TJP2: variants seen among roughly 807,000 people sequenced by gnomAD.
TJP2 encodes tight junction protein 2.
A neutral mutation model predicts 133.1 loss-of-function variants in TJP2; 91 were observed. The ratio of observed to expected loss-of-function variants is 0.68; its 90% confidence interval spans 0.58 to 0.81. The LOEUF (loss-of-function observed/expected upper bound fraction) is 0.81, where lower values mean the gene tolerates loss of function less well. Ranked by LOEUF, TJP2 falls within the 40% of genes least tolerant of loss-of-function variation. TJP2 has a pLI of 0.00. For synonymous variants in TJP2, 592 were observed against 583.4 expected (o/e 1.01, Z -0.21); for missense variants, 1,541 against 1,565.6 (o/e 0.98, Z 0.26).
intron 17 of TJP2, among the ~76,000 whole-genome samples, chr9:69,240,967 A>G (rs1390547076): frequency 6.6e-6 from 1 of 152,190 alleles, no homozygotes; most frequent in Non-Finnish European, 1.5e-5. Context: ...TTGACCTAAT[A>G]TAATGTTGAG....
intron 1 of TJP2, among the ~76,000 whole-genome samples, chr9:69,178,566 A>C (rs1825262649): frequency 6.6e-6 from 1 of 152,210 alleles, no homozygotes; most frequent in Non-Finnish European, 1.5e-5. Context: ...CAAGAAAGTC[A>C]AACACAGAAT....
chr9:69,252,080 C>T (rs1327749484), intron 21 of TJP2, among the ~76,000 whole-genome samples: 1 of 152,140 alleles, frequency 6.6e-6, no homozygotes, highest in Non-Finnish European at 1.5e-5. Flanking sequence ...CAGCAGCCTC[C>T]ACCTCTCAGG....
chr9:69,227,730 T>C (rs1209481131), intron 7 of TJP2, 35 bp from the exon 8 acceptor site: 1 of 1,376,512 alleles, frequency 7.3e-7, no homozygotes, highest in East Asian at 2.5e-5. Flanking sequence ...TTTTAAATAT[T>C]TTATTTAAAA....
intron 17 of TJP2, among the ~76,000 whole-genome samples, chr9:69,241,768 C>A (rs1830591367): frequency 2.0e-5 from 3 of 152,132 alleles, no homozygotes; most frequent in African/African-American, 7.2e-5. Flanking sequence ...ATAAGAAAGG[C>A]CAGCACTTTT....
rs559096430 is a variant in TJP2, at chr9:69,136,198, G to A, written c.-131+14473G>A. 7.0e-4 allele frequency among the ~76,000 whole-genome samples: 106 copies of A among 152,106 alleles called. 2 individuals carry two copies. The highest frequency in any genetic ancestry group is 2.5e-3 in the African/African-American group (102 of 41,472). On this transcript the variant is annotated intron_variant, in intron 1 of 5. Coordinates refer to the TJP2 transcript ENST00000423935. ...TGTTTTGCAATTTCAAATGTGTCTC[G>A]TGGCTGAACTGCTGACAAAAAAATA...
At chr9:69,202,637 A>G (rs576731516) in intron 1 of TJP2, among the ~76,000 whole-genome samples, 1 of 152,198 alleles carries the variant, frequency 6.6e-6, no homozygotes, top group Non-Finnish European at 1.5e-5. Context: ...GAGAAAATAC[A>G]TTTATTACTC....
chr9:69,229,378 TCCCC>T, intron 10 of TJP2, 128 bp downstream of exon 10: 5 of 873,900 alleles, frequency 5.7e-6, no homozygotes, highest in Non-Finnish European at 9.8e-6. Context: ...CTGTAACCAA[TCCCC>T]ATTGGTAGTG....
Position 69,218,285 on chromosome 9 carries a change from G to A in TJP2, c.268G>A (p.Gly90Ser). The A allele has an allele frequency of 1.2e-6, 2 of 1,614,074 alleles. No individual in the cohort carries two copies. Among genetic ancestry groups the A allele is most frequent in the East Asian group, 2.2e-5 (1 of 44,882 alleles). ...AAATGACAGAGTGGTCATGGTCAAT[G>A]GCACCCCCATGGAGGATGTGCTTCA... is the stretch of plus-strand genomic sequence containing the variant. Reference protein sequence around the residue: ...QENDRVVMVNGTPMEDVLHSF... With the variant: ...QENDRVVMVNSTPMEDVLHSF... The change falls in exon 4 of 23, where the codon GGC becomes AGC. Residue 90 changes from glycine to serine, a missense_variant. Transcript: ENST00000377245.
chr9:69,249,320 C>T, intron 19 of TJP2, 55 bp from the exon 20 acceptor site: 1 of 1,559,688 alleles, frequency 6.4e-7, no homozygotes, highest in Non-Finnish European at 8.7e-7. Flanking sequence ...CAGTCGAGTG[C>T]TCTGTTCTCT....
chr9:69,241,622 G>A (rs181156848), intron 17 of TJP2, among the ~76,000 whole-genome samples: 3 of 152,258 alleles, frequency 2.0e-5, no homozygotes, highest in South Asian at 2.1e-4. Flanking sequence ...GTAGTCTTAC[G>A]TACTCATACT....
chr9:69,157,483 TGAGACA>T (rs1305162462), intron 2 of TJP2, among the ~76,000 whole-genome samples: 1 of 151,472 alleles, frequency 6.6e-6, no homozygotes, highest in African/African-American at 2.4e-5. Context: ...TTTTTTTTTT[TGAGACA>T]GAGTCTCACT....
intron 1 of TJP2, among the ~76,000 whole-genome samples, chr9:69,201,485 A>C (rs1387969377): frequency 6.6e-6 from 1 of 150,820 alleles, no homozygotes; most frequent in African/African-American, 2.4e-5. Context: ...TCCCTGGCTC[A>C]TGGAAACCCT....
exon 1 of TJP2, chr9:69,121,622 G>A (rs1013433514): frequency 6.5e-6 from 1 of 152,846 alleles, no homozygotes; most frequent in Non-Finnish European, 1.5e-5. Context: ...GGGGACACCA[G>A]CCCAGCAGCT....
chr9:69,138,485 G>A (rs529634545), intron 1 of TJP2, among the ~76,000 whole-genome samples: 7 of 150,376 alleles, frequency 4.7e-5, no homozygotes, highest in African/African-American at 1.7e-4. Context: ...AAAAAAAAAG[G>A]GCCAGGGACC....
At chr9:69,212,309 C>A (rs775622323) in intron 1 of TJP2, among the ~76,000 whole-genome samples, 3 of 152,176 alleles carry the variant, frequency 2.0e-5, no homozygotes, top group Non-Finnish European at 4.4e-5. Context: ...ACATTCCATT[C>A]TTTTTAGGGT....
intron 5 of TJP2, among the ~76,000 whole-genome samples, chr9:69,221,863 C>CTTT (rs11308693): frequency 5.3e-5 from 6 of 112,252 alleles, no homozygotes; most frequent in South Asian, 3.1e-4. Flanking sequence ...GGAATAGCTA[C>CTTT]TTTTTTTTTT....
chr9:69,140,065 G>T (rs975954544), intron 1 of TJP2, among the ~76,000 whole-genome samples: 1 of 152,094 alleles, frequency 6.6e-6, no homozygotes, highest in Non-Finnish European at 1.5e-5. Context: ...TCCTCCTCAG[G>T]TGCTTAAACA....
chr9:69,248,445 T>C (rs759523490), intron 19 of TJP2: 2 of 1,406,278 alleles, frequency 1.4e-6, no homozygotes, highest in Non-Finnish European at 1.9e-6. Context: ...GGGTCAGCAC[T>C]CCGCACACCC....
chr9:69,210,965 C>T (rs1200921423), intron 1 of TJP2, among the ~76,000 whole-genome samples: 2 of 152,096 alleles, frequency 1.3e-5, no homozygotes, highest in Non-Finnish European at 2.9e-5. Context: ...TAGGCTCAAG[C>T]GATCCTCTCG....
Sources: allele counts gnomAD v4.1 joint callset (sites outside exome capture counted in the v4.1 genomes callset), GRCh38; gene constraint gnomAD v4.1.1; transcripts MANE v1.5; gene names NCBI Gene and HGNC (gene_info 2026-07-23, HGNC 2026-07-21).